Variants in CIDEA observed in about 807,000 individuals in gnomAD.
The protein encoded by CIDEA is lipid transferase CIDEA.
CIDEA carries 10 observed loss-of-function variants against 18.2 expected under a neutral mutation model. The observed-to-expected ratio is 0.55, with a 90% CI of 0.34 to 0.93. The LOEUF (loss-of-function observed/expected upper bound fraction) is 0.93. Among genes scored for constraint, CIDEA ranks in the 40% least tolerant of loss-of-function variants. The pLI, the probability that CIDEA is intolerant of heterozygous loss-of-function variation, is 0.02. For missense variants in CIDEA, 309 were observed against 293.1 expected, an observed-to-expected ratio of 1.05 and a Z score of -0.40; for synonymous variants, 128 against 124.8, an observed-to-expected ratio of 1.03 and a Z score of -0.17.
At chr18:12,254,956 G>C (rs148680201) in intron 1 of CIDEA, 22 of 1,216,058 alleles carry the variant, frequency 1.8e-5, no homozygotes, top group Non-Finnish European at 2.2e-5. Flanking sequence ...GAGCCCTCCA[G>C]GTTGGTGGTG....
chr18:12,260,862 G>A (rs1318648884), intron 1 of CIDEA, among the ~76,000 whole-genome samples: 1 of 152,120 alleles, frequency 6.6e-6, no homozygotes, highest in African/African-American at 2.4e-5. Flanking sequence ...TCTCTTGAAT[G>A]TCCGTGTACA....
chr18:12,254,907 G>T, intron 1 of CIDEA: 1 of 1,265,696 alleles, frequency 7.9e-7, no homozygotes, highest in Non-Finnish European at 1.0e-6. Flanking sequence ...CTGGAAGCGC[G>T]GGCTCTGGTC....
chr18:12,256,205 T>A (rs568735430), intron 1 of CIDEA, among the ~76,000 whole-genome samples: 4 of 152,324 alleles, frequency 2.6e-5, no homozygotes, highest in Admixed American at 2.6e-4. Flanking sequence ...TAAAACCCTG[T>A]CCGGGCAAAA....
intron 3 of CIDEA, among the ~76,000 whole-genome samples, chr18:12,265,945 G>A (rs1912336059): frequency 6.6e-6 from 1 of 152,100 alleles, no homozygotes; most frequent in South Asian, 2.1e-4. Context: ...GGCTAAGTTT[G>A]ACTGACTAAA....
chr18:12,263,523 C>T (rs1912257303), intron 2 of CIDEA: 1 of 152,284 alleles, frequency 6.6e-6, no homozygotes, highest in African/African-American at 2.4e-5. Context: ...ATCTCTGTAC[C>T]ATAAAACATT....
chr18:12,272,632 G>A (rs1249289100), intron 3 of CIDEA, among the ~76,000 whole-genome samples: 2 of 152,214 alleles, frequency 1.3e-5, no homozygotes, highest in Non-Finnish European at 2.9e-5. Flanking sequence ...ACAGGTGTGA[G>A]CCACTGTGCC....
At chr18:12,268,269 G>A (rs1344382315) in intron 3 of CIDEA, among the ~76,000 whole-genome samples, 2 of 114,270 alleles carry the variant, frequency 1.8e-5, no homozygotes, top group Non-Finnish European at 3.6e-5. Context: ...TAGTAGAGAC[G>A]GGGTTTTGTC....
chr18:12,269,729 G>T (rs958574078), intron 3 of CIDEA, among the ~76,000 whole-genome samples: 2 of 151,940 alleles, frequency 1.3e-5, no homozygotes, highest in African/African-American at 4.8e-5. Flanking sequence ...GGCAGGGTTT[G>T]CTCTGTCACC....
chr18:12,261,548 A>G (rs368715673), intron 1 of CIDEA, among the ~76,000 whole-genome samples: 44 of 152,084 alleles, frequency 2.9e-4, no homozygotes, highest in Non-Finnish European at 6.2e-4. Flanking sequence ...TGTTGAAGGC[A>G]GTTTCCCTTT....
chr18:12,268,843 T>C lies in CIDEA; in HGVS notation c.330+4390T>C, dbSNP rs1912434696. 3.9e-5 allele frequency among the ~76,000 whole-genome samples: 6 copies of C among 152,194 alleles called. No individual in the cohort carries two copies. The South Asian group carries it at 1.0e-3, about 26-fold the overall frequency. On this transcript the variant is annotated intron_variant, in intron 3 of 4. Coordinates refer to ENST00000320477, the MANE Select transcript of CIDEA (RefSeq NM_001279.4). ...TAACTTAACTCACTTTTTTTTTTTT[T>C]TAGATGGAGTCTCGCTCTGTCGCCC...
intron 3 of CIDEA, among the ~76,000 whole-genome samples, chr18:12,266,078 A>G (rs573325372): frequency 2.5e-4 from 38 of 152,180 alleles, no homozygotes; most frequent in Non-Finnish European, 5.0e-4. Flanking sequence ...AATTTTTTTA[A>G]GGCTTAGCTG....
At chr18:12,254,808 G>T (rs757751669) in intron 1 of CIDEA, 4 of 1,347,936 alleles carry the variant, frequency 3.0e-6, no homozygotes, top group Non-Finnish European at 3.9e-6. Context: ...CCCGAGCAAA[G>T]CTTCCGCGAT....
intron 1 of CIDEA, 69 bp downstream of exon 1, chr18:12,254,490 C>T: frequency 1.3e-6 from 2 of 1,562,514 alleles, no homozygotes; most frequent in East Asian, 2.3e-5. Flanking sequence ...CCTCATATTC[C>T]CCTGTGCGCC....
rs1251362277 is a variant in CIDEA at position 12,274,110 on chromosome 18, C to T, written c.348C>T (p.Pro116=). Residue 116 remains proline, a synonymous_variant, in exon 4 of 5, where the codon CCC becomes CCT. Transcript: ENST00000320477. ...TGTCACAGGGCAGCCAGCACGTCCC[C>T]ACTTGCTCGCCGCCGAAGAGGTCGG... ...QKWMPGSQHV[P]TCSPPKRSGI... 6.2e-7 allele frequency: 1 copy of T among 1,614,092 alleles called. No homozygotes were observed. The highest frequency in any genetic ancestry group is 8.5e-7 in the Non-Finnish European group (1 of 1,180,050).
intron 4 of CIDEA, 96 bp downstream of exon 4, chr18:12,274,370 C>G (rs1028820630): frequency 8.3e-7 from 1 of 1,205,264 alleles, no homozygotes; most frequent in Non-Finnish European, 1.2e-6. Flanking sequence ...GCTCCCAGGC[C>G]GGCTAGCACT....
At chr18:12,261,275 T>G (rs2144063758) in intron 1 of CIDEA, among the ~76,000 whole-genome samples, 1 of 152,206 alleles carries the variant, frequency 6.6e-6, no homozygotes, top group East Asian at 1.9e-4. Flanking sequence ...TCCCAGCTAC[T>G]CAGGAGGCTG....
At chr18:12,254,544 T>C in intron 1 of CIDEA, 123 bp downstream of exon 1, 1 of 1,215,782 alleles carries the variant, frequency 8.2e-7, no homozygotes, top group South Asian at 1.4e-5. Context: ...GCTCCCCGCA[T>C]TCTCTTGCGC....
chr18:12,267,060 A>G (rs976043177), intron 3 of CIDEA, among the ~76,000 whole-genome samples: 1 of 151,846 alleles, frequency 6.6e-6, no homozygotes. Context: ...CACCCGGCCG[A>G]TTTTTTTATT....
chr18:12,264,261 G>T, intron 2 of CIDEA, 46 bp from the exon 3 acceptor site: 1 of 1,499,386 alleles, frequency 6.7e-7, no homozygotes, highest in South Asian at 1.4e-5. Context: ...TGGTCACATG[G>T]AAATACCTGG....
Sources: gnomAD v4.1 joint callset for allele counts (sites outside exome capture counted in the v4.1 genomes callset) on GRCh38, gnomAD v4.1.1 for gene constraint, MANE v1.5 for transcripts, NCBI Gene and HGNC (gene_info 2026-07-23, HGNC 2026-07-21) for gene names.